Variants in PCYOX1 observed in about 807,000 individuals in gnomAD.
PCYOX1 encodes prenylcysteine oxidase 1, also known as prenylcysteine lyase.
In PCYOX1, 46 loss-of-function variants were observed where a neutral mutation model predicts 46.4. The ratio of observed to expected loss-of-function variants is 0.99; its 90% CI spans 0.78 to 1.27. The LOEUF (loss-of-function observed/expected upper bound fraction) is 1.27, where lower values mean the gene tolerates loss of function less well. PCYOX1 is among the 50% of genes most tolerant of loss of function. The pLI is 0.00. For missense variants in PCYOX1, 658 were observed against 628.3 expected (o/e 1.05, Z -0.51); for synonymous variants, 220 against 231.8 (o/e 0.95, Z 0.46).
In PCYOX1 at chr2:70,261,245, T is replaced by C; in HGVS notation, c.353T>C (p.Leu118Pro). The C allele has an allele frequency of 6.2e-7, 1 of 1,612,058 alleles. No homozygotes were observed. The highest frequency in any genetic ancestry group is 1.1e-5 in the South Asian group (1 of 91,020). The change falls in exon 3 of 6, where the codon CTG becomes CCG. Residue 118 changes from leucine (L) to proline (P), a missense_variant. Leu to Pro is a moderately conservative substitution (Grantham distance 98, BLOSUM62 -3). Coordinates refer to ENST00000433351, the MANE Select transcript of PCYOX1 (RefSeq NM_016297.4). The stretch of plus-strand genomic sequence containing the variant: ...GCTGTTCAGGCCTCTGGTGGCCTAC[T>C]GGGGATATATAATGGAGAGACTCTG... The part of the protein sequence containing the change: ...LSAVQASGGL[L>P]GIYNGETLVF...
At chr2:70,263,434 T>TAGG (rs1226421028) in intron 3 of PCYOX1, among the ~76,000 whole-genome samples, 1 of 152,186 alleles carries the variant, frequency 6.6e-6, no homozygotes, top group Non-Finnish European at 1.5e-5. Context: ...TGTTAGGTGC[T>TAGG]AGGCATTGTT....
chr2:70,262,123 A>G (rs1696448779), intron 3 of PCYOX1, among the ~76,000 whole-genome samples: 2 of 152,050 alleles, frequency 1.3e-5, no homozygotes, highest in Admixed American at 6.6e-5. Context: ...GAAAGGTACA[A>G]TCTGTATTTT....
intron 3 of PCYOX1, among the ~76,000 whole-genome samples, chr2:70,263,910 C>T (rs998299332): frequency 2.1e-4 from 32 of 150,410 alleles, no homozygotes; most frequent in Non-Finnish European, 4.4e-4. Flanking sequence ...CTGCCTGTCT[C>T]GGCTTCCCAA....
chr2:70,278,013 G>A lies in PCYOX1; in HGVS notation c.*621G>A, dbSNP rs1457257894. 1 of 152,160 alleles carries A rather than the reference G, an allele frequency of 6.6e-6. No individual in the cohort carries two copies. The highest frequency in any genetic ancestry group is 1.9e-4 in the East Asian group (1 of 5,204). The allele number at this position is 152,160 out of a possible 1,614,324, so 9.4% of individuals were successfully genotyped here. On this transcript the variant is annotated 3_prime_UTR_variant, in exon 6 of 6. Coordinates refer to ENST00000433351, the MANE Select transcript of PCYOX1 (RefSeq NM_016297.4). ...GCCTGACTCTTAGTAATTTCATACC[G>A]GTTTGAAGTACGTGTGCCCATGCCT...
rs1310346419 is a variant in PCYOX1, at chr2:70,259,586, G to C, written c.319+20G>C. On this transcript the variant is annotated intron_variant, in intron 2 of 5. Coordinates refer to ENST00000433351, the MANE Select transcript of PCYOX1 (RefSeq NM_016297.4). ...ACCTGGGTATGTAATTTTGGTCTTG[G>C]AGCTCACCAGATTACTGTGTGACAT... 1.9e-6 allele frequency: 3 copies of C among 1,545,236 alleles called. No homozygotes were observed. Among genetic ancestry groups the C allele is most frequent in the Non-Finnish European group, 2.7e-6 (3 of 1,118,106 alleles).
intron 2 of PCYOX1, among the ~76,000 whole-genome samples, chr2:70,260,598 G>A (rs1362986195): frequency 6.6e-6 from 1 of 152,230 alleles, no homozygotes; most frequent in African/African-American, 2.4e-5. Context: ...GCAGACACGT[G>A]CCTAGAACTT....
At chr2:70,267,502 TGAG>T (rs1696543394) in intron 3 of PCYOX1, among the ~76,000 whole-genome samples, 1 of 151,918 alleles carries the variant, frequency 6.6e-6, no homozygotes, top group Non-Finnish European at 1.5e-5. Context: ...TGGGCAACAT[TGAG>T]CACTGAGTGA....
intron 3 of PCYOX1, among the ~76,000 whole-genome samples, chr2:70,273,056 A>G (rs1459599519): frequency 6.6e-6 from 1 of 152,156 alleles, no homozygotes; most frequent in Non-Finnish European, 1.5e-5. Context: ...CTCTCTGTTT[A>G]TATTGTGTAT....
At chr2:70,264,808 G>A (rs1334858996) in intron 3 of PCYOX1, among the ~76,000 whole-genome samples, 3 of 151,928 alleles carry the variant, frequency 2.0e-5, no homozygotes, top group Non-Finnish European at 4.4e-5. Flanking sequence ...GAGGTCAGGA[G>A]TTCGAGACCA....
At chr2:70,274,590 C>T (rs1209318296) in intron 3 of PCYOX1, among the ~76,000 whole-genome samples, 4 of 131,986 alleles carry the variant, frequency 3.0e-5, no homozygotes, top group Non-Finnish European at 6.4e-5. Flanking sequence ...TTAAGAGACA[C>T]TGTCACTGTC....
chr2:70,271,914 A>G (rs183519856), intron 3 of PCYOX1, among the ~76,000 whole-genome samples: 1 of 152,346 alleles, frequency 6.6e-6, no homozygotes, highest in African/African-American at 2.4e-5. Flanking sequence ...CAAAATAAAA[A>G]AAAAGTATCA....
chr2:70,260,595 C>G (rs887274363), intron 2 of PCYOX1, among the ~76,000 whole-genome samples: 1 of 152,180 alleles, frequency 6.6e-6, no homozygotes, highest in Admixed American at 6.5e-5. Context: ...GATGCAGACA[C>G]GTGCCTAGAA....
At chr2:70,271,485 T>G (rs1696600280) in intron 3 of PCYOX1, among the ~76,000 whole-genome samples, 1 of 152,140 alleles carries the variant, frequency 6.6e-6, no homozygotes, top group African/African-American at 2.4e-5. Flanking sequence ...ATTGTCATAT[T>G]TAAAATGCTT....
chr2:70,267,682 G>A (rs547401104), intron 3 of PCYOX1, among the ~76,000 whole-genome samples: 21 of 152,204 alleles, frequency 1.4e-4, no homozygotes, highest in African/African-American at 4.6e-4. Flanking sequence ...CCAGGCACTT[G>A]GCAGGCTGAA....
intron 3 of PCYOX1, among the ~76,000 whole-genome samples, chr2:70,273,165 A>G (rs1696624682): frequency 6.6e-6 from 1 of 152,134 alleles, no homozygotes; most frequent in African/African-American, 2.4e-5. Flanking sequence ...TATGTTTTTT[A>G]TAGCATCATT....
intron 5 of PCYOX1, among the ~76,000 whole-genome samples, chr2:70,275,934 AC>A (rs1203833891): frequency 6.6e-6 from 1 of 151,750 alleles, no homozygotes; most frequent in Admixed American, 6.6e-5. Flanking sequence ...CCCTGTCTCT[AC>A]TAAAAATACA....
intron 5 of PCYOX1, among the ~76,000 whole-genome samples, chr2:70,276,408 A>G (rs1017307389): frequency 1.3e-5 from 2 of 151,962 alleles, no homozygotes; most frequent in Non-Finnish European, 2.9e-5. Context: ...GGGTTTCACC[A>G]TGTTAGCCAG....
chr2:70,270,692 C>T (rs12151768), intron 3 of PCYOX1, among the ~76,000 whole-genome samples: 68,494 of 152,158 alleles, frequency 0.45, 18,371 homozygotes, highest in Middle Eastern at 0.64. Context: ...CCTGACCACT[C>T]TTGTTTTTGG....
Position 70,274,556 on chromosome 2 carries a change from CTTT to C in PCYOX1, c.495-394_495-392del, listed in dbSNP as rs1282437000. ...CTTTCTTTCTTCCTTAGTTTCTTTT[CTTT>C]TTTTTTTTCTTTTTTTTTTTTTAAG... is the stretch of plus-strand genomic sequence containing the variant. On this transcript the variant is annotated intron_variant, in intron 3 of 5. Transcript: ENST00000433351. 3.7e-5 allele frequency among the ~76,000 whole-genome samples: 5 copies of C among 134,012 alleles called. No homozygotes were observed. The East Asian group carries it at 1.1e-3, about 30-fold the overall frequency. 87.9% of individuals were successfully genotyped at this position (134,012 alleles called of 152,430 possible). A position where few individuals can be genotyped will look rare whatever the true frequency, so the allele number is the denominator to read the frequency against.
Sources: allele counts gnomAD v4.1 joint callset (sites outside exome capture counted in the v4.1 genomes callset), GRCh38; gene constraint gnomAD v4.1.1; transcripts MANE v1.5; gene names NCBI Gene and HGNC (gene_info 2026-07-23, HGNC 2026-07-21).